Variants in THBS2 observed in about 807,000 individuals in gnomAD.
The protein encoded by THBS2 is thrombospondin 2.
In THBS2, 47 loss-of-function variants were observed where a neutral mutation model predicts 135.2. The ratio of observed to expected loss-of-function variants is 0.35; its 90% confidence interval spans 0.28 to 0.44. THBS2 has a LOEUF of 0.44. Ranked by LOEUF, THBS2 falls within the 20% of genes least tolerant of loss-of-function variation. THBS2 has a pLI of 1.00. For missense variants in THBS2, 1,288 were observed against 1,603.1 expected (o/e 0.80, Z 3.36); for synonymous variants, 639 against 633.8 (o/e 1.01, Z -0.12).
At chr6:169,217,974 AATGG>A in intron 21 of THBS2, 145 bp from the exon 22 acceptor site, 1 of 688,144 alleles carries the variant, frequency 1.5e-6, no homozygotes, top group Non-Finnish European at 2.3e-6. Flanking sequence ...GGATGGATGA[AATGG>A]ATGGGTGGAT....
At chr6:169,228,398 AAC>A (rs1336680573) in intron 14 of THBS2, 117 bp from the exon 15 acceptor site, 39 of 1,323,330 alleles carry the variant, frequency 2.9e-5, no homozygotes, top group Non-Finnish European at 3.7e-5. Context: ...AAATCAAACA[AAC>A]ACAAAAGCCA....
At position 169,248,657 on chromosome 6, in the gene THBS2, C is replaced by T. The variant is rs1390226828; in HGVS notation, c.369G>A (p.Thr123=). The stretch of plus-strand genomic sequence containing the variant: ...CGTCAATCCAGTAGGTGAGATCCAG[C>T]GTGTCCGCGGGGCCGTTGGAGACGA... The part of the protein sequence containing the change: ...FEIVSNGPAD[T]LDLTYWIDGT... The change falls in exon 3 of 22, where the codon ACG becomes ACA. Residue 123 remains threonine (T), a synonymous_variant. Transcript: ENST00000617924. 3 of 1,613,868 alleles carry T rather than the reference C, an allele frequency of 1.9e-6. No homozygotes were observed. The highest frequency in any genetic ancestry group is 2.5e-6 in the Non-Finnish European group (3 of 1,179,996).
intron 13 of THBS2, among the ~76,000 whole-genome samples, chr6:169,229,919 G>A (rs527305790): frequency 1.3e-4 from 20 of 152,212 alleles, no homozygotes; most frequent in Admixed American, 2.0e-4. Context: ...ACTTGTGTTC[G>A]GAGCCCAGAA....
At chr6:169,223,640 T>G (rs1474577214) in intron 17 of THBS2, among the ~76,000 whole-genome samples, 165 bp from the exon 18 acceptor site, 2 of 152,138 alleles carry the variant, frequency 1.3e-5, no homozygotes, top group African/African-American at 2.4e-5. Flanking sequence ...TGCTCAACAA[T>G]CTCCAAAACA....
intron 4 of THBS2, among the ~76,000 whole-genome samples, chr6:169,245,567 C>A (rs562846517): frequency 6.2e-4 from 95 of 152,168 alleles, no homozygotes; most frequent in Non-Finnish European, 1.2e-3. Flanking sequence ...CCAAGGTGGG[C>A]AGATCACGAG....
At chr6:169,237,487 G>A in intron 8 of THBS2, 138 bp downstream of exon 8, 1 of 1,497,748 alleles carries the variant, frequency 6.7e-7, no homozygotes, top group Non-Finnish European at 9.1e-7. Context: ...CTGGGAGAAA[G>A]AGCCTCACCT....
At chr6:169,225,096 T>G in intron 17 of THBS2, 49 bp downstream of exon 17, 9 of 1,578,586 alleles carry the variant, frequency 5.7e-6, no homozygotes, top group Non-Finnish European at 7.8e-6. Context: ...CCTGGCGGGT[T>G]GCTCAGAAGC....
chr6:169,229,326 CA>C (rs2114989721), intron 14 of THBS2, among the ~76,000 whole-genome samples: 1 of 152,306 alleles, frequency 6.6e-6, no homozygotes, highest in South Asian at 2.1e-4. Flanking sequence ...TATTTTTTTG[CA>C]GTTAAAATAG....
rs1046386910 is a variant in THBS2, at chr6:169,228,916, A to AAG, written c.2260-636_2260-635insCT. ...TCAAGCCTGAGCGACCAAAAAAAAA[A>AAG]AAAAAAAGAGTTAGCCCTCGCCAAA... On this transcript the variant is annotated intron_variant, in intron 14 of 21. Coordinates refer to ENST00000617924, the MANE Select transcript of THBS2 (RefSeq NM_003247.5). Among the ~76,000 whole-genome samples, 37 of 148,308 alleles carry AAG rather than the reference A, an allele frequency of 2.5e-4. 1 individual carries two copies. The East Asian group carries it at 7.2e-3, about 29-fold the overall frequency.
intron 16 of THBS2, 57 bp from the exon 17 acceptor site, chr6:169,225,436 A>G: frequency 6.7e-7 from 1 of 1,492,688 alleles, no homozygotes; most frequent in East Asian, 2.5e-5. Flanking sequence ...GGAGGTGGAG[A>G]GGAACCAGCA....
At chr6:169,234,596 A>G in intron 10 of THBS2, 138 bp downstream of exon 10, 1 of 901,004 alleles carries the variant, frequency 1.1e-6, no homozygotes, top group Non-Finnish European at 1.6e-6. Flanking sequence ...CACAGATGTT[A>G]AAAGTAGTTA....
intron 9 of THBS2, among the ~76,000 whole-genome samples, chr6:169,235,360 G>A (rs1006885699): frequency 1.3e-5 from 2 of 151,742 alleles, no homozygotes; most frequent in Non-Finnish European, 2.9e-5. Flanking sequence ...AGAGCTCCTC[G>A]CCAAGCTGTC....
rs1215621645 is a variant in THBS2 at position 169,217,820 on chromosome 6, G to A, written c.*2C>T. ...CATTGCCGGAAATGCAGCAAATCTTGTTTAAATATCTACAAAAAGAAAAAA... is the reference window on the plus strand; with the variant it reads ...CATTGCCGGAAATGCAGCAAATCTTATTTAAATATCTACAAAAAGAAAAAA... On this transcript the variant is annotated 3_prime_UTR_variant, in exon 22 of 22. Coordinates refer to ENST00000617924, the MANE Select transcript of THBS2 (RefSeq NM_003247.5). 7.5e-6 allele frequency: 12 copies of A among 1,593,984 alleles called. No homozygotes were observed. The South Asian group carries it at 7.8e-5, about 10-fold the overall frequency.
In THBS2 at chr6:169,222,228, G is replaced by A. The variant is rs575823532; in HGVS notation, c.3242C>T (p.Ala1081Val). The change falls in exon 19 of 22, where the codon GCG (alanine) becomes GTG (valine). Residue 1081 changes from alanine (A) to valine (V), a missense_variant. By Grantham distance (64) the Ala-to-Val change is moderately conservative. Coordinates refer to ENST00000617924, the MANE Select transcript of THBS2 (RefSeq NM_003247.5). ...TTGTGEHLRN[A>V]LWHTGNTPGQ... ...CGGCGTGTTCCCCGTGTGCCACAGC[G>A]CGTTCCTCAGGTGCTCGCCCGTCCC... is the stretch of plus-strand genomic sequence containing the variant. 80 of 1,612,072 alleles carry A rather than the reference G, an allele frequency of 5.0e-5. No homozygotes were observed. Among genetic ancestry groups the A allele is most frequent in the Non-Finnish European group, 6.4e-5 (75 of 1,179,546 alleles).
chr6:169,248,942 G>A lies in THBS2; in HGVS notation c.84C>T (p.Asp28=). 1 of 1,611,012 alleles carries A rather than the reference G, an allele frequency of 6.2e-7. No individual in the cohort carries two copies. The highest frequency in any genetic ancestry group is 1.3e-5 in the African/African-American group (1 of 75,012). ...AGHQDKDTTF[D]LFSISNINRK... is the part of the protein sequence containing the mutation. ...GGTTGATGTTGCTGATACTGAAAAG[G>A]TCGAAGGTCGTGTCTTTGTCCTGGT... The change falls in exon 3 of 22, where the codon GAC becomes GAT. Residue 28 remains aspartate, a synonymous_variant. Transcript: ENST00000617924.
chr6:169,233,336 A>G (rs959929124), intron 10 of THBS2, among the ~76,000 whole-genome samples: 1 of 150,820 alleles, frequency 6.6e-6, no homozygotes, highest in Non-Finnish European at 1.5e-5. Context: ...ACACAACTAC[A>G]TGTCAGGTGC....
At chr6:169,231,642 A>G (rs549492085) in intron 13 of THBS2, among the ~76,000 whole-genome samples, 7 of 152,332 alleles carry the variant, frequency 4.6e-5, no homozygotes, top group African/African-American at 1.2e-4. Context: ...CTGAGACACA[A>G]TGGCCTCTGC....
chr6:169,229,462 G>A, intron 14 of THBS2, 110 bp downstream of exon 14: 1 of 826,528 alleles, frequency 1.2e-6, no homozygotes, highest in Non-Finnish European at 2.0e-6. Flanking sequence ...ACAAACGCTT[G>A]CAGGACAATG....
In THBS2 at chr6:169,241,806, G is replaced by A. The variant is rs1417575932; in HGVS notation, c.847C>T (p.Leu283Phe). 1.2e-6 allele frequency: 2 copies of A among 1,612,404 alleles called. No homozygotes were observed. The highest frequency in any genetic ancestry group is 3.3e-5 in the Admixed American group (2 of 60,006). Residue 283 changes from leucine (L) to phenylalanine (F), a missense_variant, in exon 5 of 22, where the codon CTC (leucine) becomes TTC (phenylalanine). This residue lies in a region of THBS2 where 414 missense variants were observed against 447.0 expected (regional missense o/e 0.93). Transcript: ENST00000617924. This position sits in a 1 kb window ranked among gnomAD's most constrained non-coding sequence, Gnocchi z 5.5. ...CTGAGCTGGTTCACGAGGACGTGGA[G>A]CCCCGAGAGCTCCTGGACCATGTTT... The part of the protein sequence containing the change: ...LGNMVQELSG[L>F]HVLVNQLSEN...
Sources: gnomAD v4.1 joint callset for allele counts (sites outside exome capture counted in the v4.1 genomes callset) on GRCh38, gnomAD v4.1.1 for gene constraint, gnomAD v4.1.1 regional missense constraint, Gnocchi (gnomAD v3.1) non-coding constraint, MANE v1.5 for transcripts, NCBI Gene and HGNC (gene_info 2026-07-23, HGNC 2026-07-21) for gene names.